GPHN: variants seen among roughly 807,000 people sequenced by gnomAD.
The protein encoded by GPHN is gephyrin.
GPHN carries 17 observed loss-of-function variants against 95.5 expected under a neutral mutation model. That is an observed-to-expected ratio of 0.18 (90% CI 0.12 to 0.27). The LOEUF is 0.27. GPHN is among the 10% of genes least tolerant of loss of function. The pLI is 1.00. For missense variants in GPHN, 660 were observed against 978.1 expected (o/e 0.67, Z 4.34); for synonymous variants, 320 against 322.5 (o/e 0.99, Z 0.08).
chr14:67,358,391 G>C, the GPHN span, among the ~76,000 whole-genome samples: 2 of 152,116 alleles, frequency 1.3e-5, no homozygotes, highest in African/African-American at 2.4e-5. Context: ...CTGGGCTTCA[G>C]GTTTGAATAT....
At chr14:66,991,527 C>T (rs1472627262) in intron 9 of GPHN, among the ~76,000 whole-genome samples, 3 of 151,364 alleles carry the variant, frequency 2.0e-5, no homozygotes, top group Non-Finnish European at 4.4e-5. Flanking sequence ...TGGGAAGCCT[C>T]ACTGAGAAAC....
chr14:66,804,533 G>A lies in GPHN; in HGVS notation c.202-19941G>A, dbSNP rs1410191746. ...AAGGAGAAAAACATCCATGAGCTTGGGTTTATTCAAATTTTTAAGTTTAAA... is the reference window on the plus strand; with the variant it reads ...AAGGAGAAAAACATCCATGAGCTTGAGTTTATTCAAATTTTTAAGTTTAAA... On this transcript the variant is annotated intron_variant, in intron 3 of 22. Transcript: ENST00000478722. Among the ~76,000 whole-genome samples the A allele has an allele frequency of 3.9e-5, 6 of 152,222 alleles. No homozygotes were observed. In the Middle Eastern group the frequency reaches 0.017, roughly 431 times the overall value.
chr14:67,236,621 T>C, the GPHN span, among the ~76,000 whole-genome samples: 1 of 152,158 alleles, frequency 6.6e-6, no homozygotes, highest in Non-Finnish European at 1.5e-5. Context: ...GACCTTCCAT[T>C]CCATATGACA....
At chr14:66,767,768 A>G (rs2059018113) in intron 2 of GPHN, among the ~76,000 whole-genome samples, 1 of 151,998 alleles carries the variant, frequency 6.6e-6, no homozygotes, top group Admixed American at 6.6e-5. Flanking sequence ...TAAATAGCAT[A>G]CATTTATAAT....
the GPHN span, among the ~76,000 whole-genome samples, chr14:67,378,314 CTTTTT>C: frequency 1.9e-5 from 2 of 107,628 alleles, no homozygotes; most frequent in African/African-American, 6.9e-5. Context: ...TCTCATGTGA[CTTTTT>C]TTTTTTTTTT....
intron 4 of GPHN, among the ~76,000 whole-genome samples, chr14:66,845,866 TGC>T (rs1368314929): frequency 2.9e-4 from 44 of 151,556 alleles, no homozygotes; most frequent in African/African-American, 1.0e-3. Context: ...TGTGTCTGTG[TGC>T]GTGCGCACAC....
chr14:66,622,700 A>G (rs1163712710), intron 1 of GPHN, among the ~76,000 whole-genome samples: 1 of 152,098 alleles, frequency 6.6e-6, no homozygotes, highest in Non-Finnish European at 1.5e-5. Flanking sequence ...CAGGGGCAAA[A>G]AGCTGCCAGT....
At chr14:67,216,366 T>C in the GPHN span, among the ~76,000 whole-genome samples, 1 of 152,122 alleles carries the variant, frequency 6.6e-6, no homozygotes, top group Non-Finnish European at 1.5e-5. Context: ...TCACGTTTTG[T>C]TAATATTTTG....
the GPHN span, chr14:67,576,506 A>C: frequency 6.7e-7 from 1 of 1,485,704 alleles, no homozygotes; most frequent in African/African-American, 1.4e-5. The surrounding 1 kb of genome is among the most constrained non-coding windows in gnomAD (Gnocchi z 4.0). Flanking sequence ...AGATCCAGGT[A>C]AGGCAAGGGT....
chr14:67,650,657 C>T, the GPHN span: 1 of 1,493,258 alleles, frequency 6.7e-7, no homozygotes, highest in African/African-American at 1.4e-5. Context: ...AGTGGGATGA[C>T]CCTCACTGAG....
chr14:67,089,133 C>CTTTTTTTTTTTTTTTTTTTTTTTTTATT, intron 12 of GPHN, 58 bp downstream of exon 12: 1 of 198,576 alleles, frequency 5.0e-6, no homozygotes, highest in Non-Finnish European at 7.8e-6. Context: ...TTCTTTTTTT[C>CTTTTTTTTTTTTTTTTTTTTTTTTTATT]TTTTTTTTTT....
the GPHN span, among the ~76,000 whole-genome samples, chr14:67,552,534 G>A: frequency 4.6e-5 from 7 of 152,202 alleles, no homozygotes; most frequent in African/African-American, 7.2e-5. Context: ...TTGGGAGGCC[G>A]AGGTGGGCGG....
chr14:67,297,988 C>T, the GPHN span, among the ~76,000 whole-genome samples: 1 of 152,234 alleles, frequency 6.6e-6, no homozygotes, highest in African/African-American at 2.4e-5. Flanking sequence ...CTAGTATAAT[C>T]ACAGTTGTTG....
chr14:66,735,401 C>T (rs1452798098), intron 2 of GPHN, among the ~76,000 whole-genome samples: 2 of 152,038 alleles, frequency 1.3e-5, no homozygotes, highest in Admixed American at 6.5e-5. Flanking sequence ...CAACAGTATC[C>T]AATATGATTC....
chr14:67,502,763 T>A, the GPHN span, among the ~76,000 whole-genome samples: 1 of 152,084 alleles, frequency 6.6e-6, no homozygotes, highest in Admixed American at 6.5e-5. Flanking sequence ...CAGAAGGTGA[T>A]TTCTAAAGGT....
the GPHN span, among the ~76,000 whole-genome samples, chr14:67,689,373 T>C: frequency 1.5e-3 from 229 of 152,274 alleles, no homozygotes; most frequent in Non-Finnish European, 2.5e-3. Flanking sequence ...AAATCCAGAG[T>C]AGACAGTGCT....
At chr14:67,323,332 G>A in the GPHN span, among the ~76,000 whole-genome samples, 1 of 151,226 alleles carries the variant, frequency 6.6e-6, no homozygotes, top group Non-Finnish European at 1.5e-5. Flanking sequence ...TGTGAATTGG[G>A]CCAGGTGCAG....
At chr14:67,602,850 G>A in the GPHN span, among the ~76,000 whole-genome samples, 1 of 152,142 alleles carries the variant, frequency 6.6e-6, no homozygotes, top group Admixed American at 6.5e-5. Flanking sequence ...TATTTAATGT[G>A]TCAATAAAGA....
chr14:67,705,770 G>T, the GPHN span, among the ~76,000 whole-genome samples: 12 of 152,234 alleles, frequency 7.9e-5, no homozygotes, highest in African/African-American at 2.6e-4. Context: ...TTCAAAATAA[G>T]ATGTTTTAAA....
Sources: gnomAD v4.1 joint callset for allele counts (sites outside exome capture counted in the v4.1 genomes callset) on GRCh38, gnomAD v4.1.1 for gene constraint, Gnocchi (gnomAD v3.1) non-coding constraint, MANE v1.5 for transcripts, NCBI Gene and HGNC (gene_info 2026-07-23, HGNC 2026-07-21) for gene names.